Variants in SH2B3 observed in about 807,000 individuals in gnomAD.
SH2B3 encodes SH2B adapter protein 3.
SH2B3 carries 43 observed loss-of-function variants against 51.9 expected under a neutral mutation model. The ratio of observed to expected loss-of-function variants is 0.83; its 90% confidence interval spans 0.65 to 1.07. The LOEUF is 1.07. SH2B3 is among the 50% of genes least tolerant of loss of function. The probability of loss-of-function intolerance (pLI) is 0.00; values close to 1 mark genes in which losing one functional copy is unlikely to be tolerated. For missense variants in SH2B3, 952 were observed against 834.3 expected (o/e 1.14, Z -1.74); for synonymous variants, 396 against 376.0 (o/e 1.05, Z -0.62).
intron 2 of SH2B3, among the ~76,000 whole-genome samples, chr12:111,422,778 T>C (rs1392831796): frequency 2.0e-5 from 3 of 152,080 alleles, no homozygotes; most frequent in African/African-American, 7.2e-5. Flanking sequence ...GCCAGGCTGG[T>C]CTTGAACTCC....
Position 111,418,513 on chromosome 12 carries a change from A to C in SH2B3, c.368A>C (p.Glu123Ala). Residue 123 changes from glutamate (E) to alanine (A), a missense_variant, in exon 2 of 8, where the codon GAG becomes GCG. Glu to Ala is a moderately radical substitution (Grantham distance 107). Coordinates refer to ENST00000341259, the MANE Select transcript of SH2B3 (RefSeq NM_005475.3). The surrounding 1 kb of genome is among the most constrained non-coding windows in gnomAD (Gnocchi z 6.7). ...PGLPKARSSE[E>A]LAPPRPPGPC... ...CTGCCCAAGGCCCGCAGCTCTGAGG[A>C]GCTGGCCCCGCCGCGGCCGCCCGGG... 1 of 1,384,272 alleles carries C rather than the reference A, an allele frequency of 7.2e-7. No individual in the cohort carries two copies. The highest frequency in any genetic ancestry group is 1.4e-5 in the South Asian group (1 of 69,342). The allele number at this position is 1,384,272 out of a possible 1,614,324, so 85.7% of individuals were successfully genotyped here. A position where few individuals can be genotyped will look rare whatever the true frequency, so the allele number is the denominator to read the frequency against.
Position 111,447,176 on chromosome 12 carries a change from C to G in SH2B3, c.978C>G (p.Ser326Arg). Reference sequence around the variant, plus strand: ...ATATTCCCTCAGCCCTAGAGCCTAGCACGTCCAGCTCCCCAAGGGGCAGCA... The same window carrying G: ...ATATTCCCTCAGCCCTAGAGCCTAGGACGTCCAGCTCCCCAAGGGGCAGCA... Reference protein sequence around the residue: ...EMHIPSALEPSTSSSPRGSTD... With the variant: ...EMHIPSALEPRTSSSPRGSTD... Residue 326 changes from serine (S) to arginine (R), a missense_variant, in exon 5 of 8, where the codon AGC becomes AGG. By Grantham distance (110) the Ser-to-Arg change is moderately radical. Coordinates refer to ENST00000341259, the MANE Select transcript of SH2B3 (RefSeq NM_005475.3). The G allele has an allele frequency of 6.2e-7, 1 of 1,614,072 alleles. No homozygotes were observed. The highest frequency in any genetic ancestry group is 8.5e-7 in the Non-Finnish European group (1 of 1,179,894).
In SH2B3 at chr12:111,434,865, G is replaced by T. The variant is rs1314684536; in HGVS notation, c.733-11888G>T. The T allele has an allele frequency of 3.3e-6, 5 of 1,535,274 alleles. No homozygotes were observed. In the South Asian group the frequency reaches 3.6e-5, roughly 11 times the overall value. On this transcript the variant is annotated intron_variant, in intron 2 of 7. Transcript: ENST00000341259. ...TCAGTAAACAGGAGCTAAAATGATAGTAATGAGAGTCCGTGCCGGGTGGAG... is the reference window on the plus strand; with the variant it reads ...TCAGTAAACAGGAGCTAAAATGATATTAATGAGAGTCCGTGCCGGGTGGAG...
At chr12:111,426,248 T>C (rs564273133) in intron 2 of SH2B3, among the ~76,000 whole-genome samples, 25 of 152,156 alleles carry the variant, frequency 1.6e-4, no homozygotes, top group Non-Finnish European at 2.5e-4. Context: ...AGAATTTCTC[T>C]GTGGATGGCT....
chr12:111,411,620 C>T (rs1268101882), intron 1 of SH2B3, among the ~76,000 whole-genome samples: 2 of 152,082 alleles, frequency 1.3e-5, no homozygotes, highest in Non-Finnish European at 2.9e-5. Flanking sequence ...TCCAGGGTGC[C>T]TGGGGCTGGC....
chr12:111,439,563 C>T (rs1873211754), intron 2 of SH2B3, among the ~76,000 whole-genome samples: 3 of 151,952 alleles, frequency 2.0e-5, no homozygotes, highest in South Asian at 2.1e-4. Flanking sequence ...GGATTACAGG[C>T]GTGAGCCACT....
intron 2 of SH2B3, among the ~76,000 whole-genome samples, chr12:111,445,630 C>T (rs1222728127): frequency 1.3e-5 from 2 of 152,256 alleles, no homozygotes; most frequent in East Asian, 1.9e-4. Context: ...CTGTTGTGTC[C>T]GCCAACCAGA....
At position 111,407,234 on chromosome 12, in the gene SH2B3, G is replaced by C. The variant is rs367647532; in HGVS notation, c.-28+957G>C. Among the ~76,000 whole-genome samples, 9 of 152,344 alleles carry C rather than the reference G, an allele frequency of 5.9e-5. No homozygotes were observed. Among genetic ancestry groups the C allele is most frequent in the South Asian group, 2.1e-4 (1 of 4,830 alleles). ...CACTGCCTGCAGCTGGGGGCCTCCA[G>C]GGAGGGGCACGGCCAGGCTGGGCTG... On this transcript the variant is annotated intron_variant, in intron 1 of 7. Coordinates refer to ENST00000341259, the MANE Select transcript of SH2B3 (RefSeq NM_005475.3). The surrounding 1 kb of genome is among the most constrained non-coding windows in gnomAD (Gnocchi z 4.3).
In SH2B3 at chr12:111,447,809, G is replaced by C. The variant is rs1365012196; in HGVS notation, c.1390G>C (p.Val464Leu). The C allele has an allele frequency of 1.2e-6, 2 of 1,613,932 alleles. No individual in the cohort carries two copies. The highest frequency in any genetic ancestry group is 1.7e-6 in the Non-Finnish European group (2 of 1,179,984). The change falls in exon 7 of 8, where the codon GTC becomes CTC. Residue 464 changes from valine to leucine, a missense_variant. Transcript: ENST00000341259. ...CDVRLSSYVVVVSQPPGSCNT... is the reference protein window; with the variant it reads ...CDVRLSSYVVLVSQPPGSCNT... ...TGTCCGGCTCTCCAGCTACGTGGTA[G>C]TCGTCTCCCAACCACCAGGTCTGAC...
At chr12:111,420,092 G>A (rs989942877) in intron 2 of SH2B3, among the ~76,000 whole-genome samples, 1 of 152,184 alleles carries the variant, frequency 6.6e-6, no homozygotes, top group Non-Finnish European at 1.5e-5. Flanking sequence ...ACAGATTGGT[G>A]TTTTATTTCC....
chr12:111,450,062 T>TA lies in SH2B3; in HGVS notation c.*1761dup, dbSNP rs1316677132. 2.0e-5 allele frequency: 3 copies of TA among 152,194 alleles called. No individual in the cohort carries two copies. The highest frequency in any genetic ancestry group is 4.4e-5 in the Non-Finnish European group (3 of 68,036). The allele number at this position is 152,194 out of a possible 1,614,324, so 9.4% of individuals were successfully genotyped here. ...CCTCGACCTCTCAAGTAGCTGGGAT[T>TA]ACAAGCACCAGCCACCATGCCTGGC... On this transcript the variant is annotated 3_prime_UTR_variant, in exon 8 of 8. Coordinates refer to ENST00000341259, the MANE Select transcript of SH2B3 (RefSeq NM_005475.3).
At chr12:111,413,537 G>A (rs996273545) in intron 1 of SH2B3, among the ~76,000 whole-genome samples, 2 of 152,216 alleles carry the variant, frequency 1.3e-5, no homozygotes, top group Non-Finnish European at 2.9e-5. Flanking sequence ...TGGAGTGGGC[G>A]CAGCTGTTTT....
intron 2 of SH2B3, among the ~76,000 whole-genome samples, chr12:111,431,008 A>G (rs1360413872): frequency 3.8e-5 from 5 of 131,064 alleles, no homozygotes; most frequent in Non-Finnish European, 3.2e-5. Context: ...GAGGTCTCCG[A>G]GTGCCGGCCG....
rs542931263 is a variant in SH2B3, at chr12:111,429,405, C to T, written c.732+10528C>T. Among the ~76,000 whole-genome samples the T allele has an allele frequency of 1.8e-4, 27 of 152,210 alleles. 1 individual carries two copies. The East Asian group carries it at 4.4e-3, about 25-fold the overall frequency. On this transcript the variant is annotated intron_variant, in intron 2 of 7. Coordinates refer to ENST00000341259, the MANE Select transcript of SH2B3 (RefSeq NM_005475.3). The surrounding 1 kb of genome is among the most constrained non-coding windows in gnomAD (Gnocchi z 4.4). ...AGAGCAGAGTGGTGTGATTTTGGCTCACTGCAACCACCGCCTCCAGGGTTC... is the reference window on the plus strand; with the variant it reads ...AGAGCAGAGTGGTGTGATTTTGGCTTACTGCAACCACCGCCTCCAGGGTTC...
In SH2B3 at chr12:111,418,244, C is replaced by T. The variant is rs976292388; in HGVS notation, c.99C>T (p.His33=). Residue 33 remains histidine, a synonymous_variant, in exon 2 of 8, where the codon CAC becomes CAT. Coordinates refer to ENST00000341259, the MANE Select transcript of SH2B3 (RefSeq NM_005475.3). This position sits in a 1 kb window ranked among gnomAD's most constrained non-coding sequence, Gnocchi z 6.7. The stretch of plus-strand genomic sequence containing the variant: ...GCTGGAGCGAGTTCTGTGAGTTGCA[C>T]GCCGTAGCGGCGGCCCGGGAGCTGG... ...PRGWSEFCEL[H]AVAAARELAR... 3 of 1,551,938 alleles carry T rather than the reference C, an allele frequency of 1.9e-6. No homozygotes were observed. Among genetic ancestry groups the T allele is most frequent in the South Asian group, 1.2e-5 (1 of 86,264 alleles).
rs1468098180 is a variant in SH2B3, at chr12:111,409,805, C to T, written c.-28+3528C>T. ...TGACAAGCATCCCTCTACCAGGGCT[C>T]CAGGGTTCTGCTGGCCACCACTAGC... On this transcript the variant is annotated intron_variant, in intron 1 of 7. Coordinates refer to ENST00000341259, the MANE Select transcript of SH2B3 (RefSeq NM_005475.3). The surrounding 1 kb of genome is among the most constrained non-coding windows in gnomAD (Gnocchi z 4.0). 2.0e-5 allele frequency among the ~76,000 whole-genome samples: 3 copies of T among 152,178 alleles called. No individual in the cohort carries two copies. The highest frequency in any genetic ancestry group is 7.2e-5 in the African/African-American group (3 of 41,456).
At chr12:111,414,239 A>G (rs1412555994) in intron 1 of SH2B3, among the ~76,000 whole-genome samples, 1 of 152,138 alleles carries the variant, frequency 6.6e-6, no homozygotes. Flanking sequence ...TTTAGTGACT[A>G]CTTACTGTGT....
In SH2B3 at chr12:111,406,059, C is replaced by G. The variant is rs2135526494; in HGVS notation, c.-246C>G. On this transcript the variant is annotated 5_prime_UTR_variant, in exon 1 of 8. Coordinates refer to ENST00000341259, the MANE Select transcript of SH2B3 (RefSeq NM_005475.3). This position sits in a 1 kb window ranked among gnomAD's most constrained non-coding sequence, Gnocchi z 5.7. ...GCGGCGGCCCGGGGGCGCATCCTCCCGCAACTGTCAAGCGCTGGCGGCGGA... is the reference window on the plus strand; with the variant it reads ...GCGGCGGCCCGGGGGCGCATCCTCCGGCAACTGTCAAGCGCTGGCGGCGGA... The G allele has an allele frequency of 6.6e-6, 1 of 152,010 alleles. No homozygotes were observed. The highest frequency in any genetic ancestry group is 1.5e-5 in the Non-Finnish European group (1 of 67,942). 9.4% of individuals were successfully genotyped at this position (152,010 alleles called of 1,614,324 possible). A position where few individuals can be genotyped will look rare whatever the true frequency, so the allele number is the denominator to read the frequency against.
chr12:111,405,125 G>A (rs1161478892), upstream of SH2B3, among the ~76,000 whole-genome samples: 1 of 152,212 alleles, frequency 6.6e-6, no homozygotes, highest in Non-Finnish European at 1.5e-5. The surrounding 1 kb of genome is among the most constrained non-coding windows in gnomAD (Gnocchi z 5.4). Flanking sequence ...TGGAGAAAAT[G>A]TAAGTAGCCC....
Sources: allele counts gnomAD v4.1 joint callset (sites outside exome capture counted in the v4.1 genomes callset), GRCh38; gene constraint gnomAD v4.1.1; non-coding constraint Gnocchi (gnomAD v3.1); transcripts MANE v1.5; gene names NCBI Gene and HGNC (gene_info 2026-07-23, HGNC 2026-07-21).